The following DLG2 variants were observed in gnomAD, a reference collection of about 807,000 sequenced individuals.
DLG2 encodes the protein discs large MAGUK scaffold protein 2.
Under a neutral mutation model 132.5 loss-of-function variants are expected in DLG2, and 45 were observed. The observed-to-expected ratio is 0.34, with a 90% CI of 0.27 to 0.44. The LOEUF (loss-of-function observed/expected upper bound fraction) is 0.44. DLG2 is among the 20% of genes least tolerant of loss of function. The pLI is 1.00. For synonymous variants in DLG2, 424 were observed against 419.6 expected (o/e 1.01, Z -0.13); for missense variants, 1,045 against 1,196.9 (o/e 0.87, Z 1.87).
chr11:84,826,328 C>T (rs1187987162), intron 6 of DLG2, among the ~76,000 whole-genome samples: 1 of 151,752 alleles, frequency 6.6e-6, no homozygotes, highest in East Asian at 2.0e-4. Flanking sequence ...TACCTATTAG[C>T]CTTCCCCCTT....
chr11:84,982,918 G>A (rs141021475), intron 6 of DLG2, among the ~76,000 whole-genome samples: 5 of 152,118 alleles, frequency 3.3e-5, no homozygotes, highest in Non-Finnish European at 7.4e-5. Context: ...TAAGAATACA[G>A]GGGAACCTCT....
At chr11:83,784,803 AATTGCTT>A (rs772377918) in intron 18 of DLG2, among the ~76,000 whole-genome samples, 12 of 152,160 alleles carry the variant, frequency 7.9e-5, no homozygotes, top group Non-Finnish European at 1.3e-4. Context: ...GAGAGCTTCT[AATTGCTT>A]ATCTATGATT....
chr11:84,709,722 C>A, intron 6 of DLG2, among the ~76,000 whole-genome samples: 1 of 152,006 alleles, frequency 6.6e-6, no homozygotes, highest in Middle Eastern at 3.4e-3. Flanking sequence ...TTCTCTCCCC[C>A]TCTTCCTCCC....
intron 22 of DLG2, 54 bp from the exon 23 acceptor site, chr11:83,472,831 G>C (rs1006916108): frequency 6.9e-7 from 1 of 1,450,932 alleles, no homozygotes; most frequent in Non-Finnish European, 9.7e-7. Flanking sequence ...ATATTACAGA[G>C]ACAAGCCCTG....
At chr11:84,835,268 A>G (rs568985551) in intron 6 of DLG2, among the ~76,000 whole-genome samples, 10 of 151,800 alleles carry the variant, frequency 6.6e-5, no homozygotes, top group Non-Finnish European at 1.0e-4. Flanking sequence ...ATAACATGCA[A>G]TAAACATTTA....
At chr11:85,174,189 C>G (rs958476974) in intron 4 of DLG2, among the ~76,000 whole-genome samples, 6 of 152,194 alleles carry the variant, frequency 3.9e-5, no homozygotes, top group Non-Finnish European at 5.9e-5. Flanking sequence ...AACCACACGG[C>G]AGTTACTCCA....
intron 3 of DLG2, among the ~76,000 whole-genome samples, chr11:85,346,662 C>CT (rs1209612086): frequency 2.0e-5 from 3 of 152,244 alleles, no homozygotes; most frequent in Admixed American, 6.5e-5. Context: ...CAAGAAATGT[C>CT]TAACTTTCTG....
At chr11:83,579,991 AAAT>A (rs1342029625) in intron 19 of DLG2, among the ~76,000 whole-genome samples, 3 of 151,978 alleles carry the variant, frequency 2.0e-5, no homozygotes, top group East Asian at 3.9e-4. Context: ...ATAAATAAAT[AAAT>A]AATAAATAAT....
At chr11:85,210,085 T>A (rs950720791) in intron 4 of DLG2, among the ~76,000 whole-genome samples, 1 of 152,176 alleles carries the variant, frequency 6.6e-6, no homozygotes, top group South Asian at 2.1e-4. Context: ...TATTCTGTCC[T>A]GAACTTTGAT....
intron 7 of DLG2, among the ~76,000 whole-genome samples, chr11:84,292,845 T>C (rs148516816): frequency 7.8e-4 from 119 of 152,118 alleles, no homozygotes; most frequent in African/African-American, 2.7e-3. Context: ...CTGGGCCACA[T>C]TGGAAGAAGA....
rs149565238 is a variant in DLG2, at chr11:85,308,178, A to AATAAT, written c.41-22814_41-22813insATTAT. 2.2e-3 allele frequency among the ~76,000 whole-genome samples: 312 copies of AATAAT among 143,472 alleles called. 6 individuals are homozygous for AATAAT. The highest frequency in any genetic ancestry group is 2.4e-3 in the East Asian group (12 of 5,054). The allele number at this position is 143,472 out of a possible 152,430, so 94.1% of individuals were successfully genotyped here. A position where few individuals can be genotyped will look rare whatever the true frequency, so the allele number is the denominator to read the frequency against. On this transcript the variant is annotated intron_variant, in intron 3 of 27. Transcript: ENST00000376104. ...CAAAAAATAAAATAAAATAAAATAA[A>AATAAT]ATAAAATAAAATAAAATAAAACAAG...
At chr11:83,610,152 T>A (rs1238443539) in intron 19 of DLG2, among the ~76,000 whole-genome samples, 2 of 152,190 alleles carry the variant, frequency 1.3e-5, no homozygotes, top group Non-Finnish European at 2.9e-5. Context: ...TGGGCTCCTG[T>A]ACTATGCAGC....
chr11:83,644,356 C>A (rs572379666), intron 18 of DLG2, among the ~76,000 whole-genome samples: 1 of 152,092 alleles, frequency 6.6e-6, no homozygotes, highest in Non-Finnish European at 1.5e-5. Flanking sequence ...TCCTCTATAG[C>A]CCTCCCACTA....
At chr11:84,329,779 A>G (rs1338261874) in intron 7 of DLG2, among the ~76,000 whole-genome samples, 1 of 152,224 alleles carries the variant, frequency 6.6e-6, no homozygotes, top group African/African-American at 2.4e-5. Context: ...TTGAAGGCCA[A>G]TGGCCTTTGC....
chr11:84,115,234 C>T (rs1046306569), intron 9 of DLG2, among the ~76,000 whole-genome samples: 1 of 152,192 alleles, frequency 6.6e-6, no homozygotes, highest in African/African-American at 2.4e-5. Context: ...ACCATTCTCA[C>T]TGGGCTCAAA....
intron 3 of DLG2, among the ~76,000 whole-genome samples, chr11:85,541,829 G>A (rs1400100961): frequency 2.6e-5 from 4 of 151,932 alleles, no homozygotes; most frequent in Non-Finnish European, 5.9e-5. Context: ...CTAATACTAG[G>A]CTTCCTGTTG....
chr11:85,130,916 C>G (rs1168749452), intron 5 of DLG2, among the ~76,000 whole-genome samples: 1 of 152,218 alleles, frequency 6.6e-6, no homozygotes, highest in East Asian at 1.9e-4. Flanking sequence ...GCATTATTTA[C>G]CATTTAAATA....
intron 3 of DLG2, among the ~76,000 whole-genome samples, chr11:85,550,744 C>G (rs913638020): frequency 6.6e-6 from 1 of 152,240 alleles, no homozygotes; most frequent in Non-Finnish European, 1.5e-5. Context: ...CCCTGCTATT[C>G]TGCACTATAT....
intron 7 of DLG2, among the ~76,000 whole-genome samples, chr11:84,412,219 A>C (rs959376082): frequency 1.3e-5 from 2 of 150,554 alleles, no homozygotes; most frequent in East Asian, 4.0e-4. Flanking sequence ...GTTCATAAAA[A>C]TGTTCATAAA....
Sources: gnomAD v4.1 joint callset for allele counts (sites outside exome capture counted in the v4.1 genomes callset) on GRCh38, gnomAD v4.1.1 for gene constraint, MANE v1.5 for transcripts, NCBI Gene and HGNC (gene_info 2026-07-23, HGNC 2026-07-21) for gene names.